BRI3: variants seen among roughly 807,000 people sequenced by gnomAD.
The protein encoded by BRI3 is brain protein I3.
BRI3 carries 6 observed loss-of-function variants against 12.8 expected under a neutral mutation model. The observed-to-expected ratio is 0.47, with a 90% confidence interval of 0.26 to 0.93. BRI3 has a LOEUF of 0.93. BRI3 is among the 40% of genes least tolerant of loss of function. The probability of loss-of-function intolerance (pLI) is 0.15; values close to 1 mark genes in which losing one functional copy is unlikely to be tolerated. For synonymous variants in BRI3, 91 were observed against 76.1 expected (o/e 1.20, Z -1.02); for missense variants, 134 against 171.1 (o/e 0.78, Z 1.21).
chr7:98,309,522 G>C (rs148900650), exon 2 of BRI3: 1 of 152,328 alleles, frequency 6.6e-6, no homozygotes, highest in African/African-American at 2.4e-5. Flanking sequence ...GGGATGCACA[G>C]AGTATTACAT....
the BRI3 span, among the ~76,000 whole-genome samples, chr7:98,316,613 G>A: frequency 0.024 from 3,695 of 152,226 alleles, 149 homozygotes; most frequent in African/African-American, 0.085. Context: ...AATTCTTATT[G>A]TTTCTATGTG....
chr7:98,314,999 A>G (rs142018040), downstream of BRI3, among the ~76,000 whole-genome samples: 101 of 152,338 alleles, frequency 6.6e-4, no homozygotes, highest in African/African-American at 2.3e-3. Flanking sequence ...CTGTATTTCT[A>G]TAAGTTTATA....
At chr7:98,319,984 G>A in the BRI3 span, 2 of 1,218,896 alleles carry the variant, frequency 1.6e-6, no homozygotes, top group Non-Finnish European at 2.4e-6. Flanking sequence ...TGAGTCAACA[G>A]TGGGAACGAG....
the BRI3 span, chr7:98,319,927 G>T: frequency 1.3e-6 from 1 of 750,410 alleles, no homozygotes; most frequent in African/African-American, 1.7e-5. Flanking sequence ...TCGGTTTCAT[G>T]CATCTGGGCA....
downstream of BRI3, chr7:98,310,709 C>CTCTGTCTCAAA: frequency 1.9e-6 from 1 of 527,980 alleles, no homozygotes; most frequent in Non-Finnish European, 2.9e-6. Context: ...TATTTTGAGA[C>CTCTGTCTCAAA]AGAGTCTCGC....
intron 1 of BRI3, among the ~76,000 whole-genome samples, chr7:98,300,991 G>A (rs1427793570): frequency 3.9e-5 from 6 of 152,166 alleles, no homozygotes; most frequent in African/African-American, 7.2e-5. Context: ...TGCATCGAGC[G>A]CTCCCTGGAC....
At chr7:98,294,567 G>T (rs1800108175), downstream of BRI3, among the ~76,000 whole-genome samples, 1 of 152,174 alleles carries the variant, frequency 6.6e-6, no homozygotes, top group East Asian at 1.9e-4. Flanking sequence ...AATGAAGCTT[G>T]AGCAACAGAG....
chr7:98,306,659 T>C, exon 1 of BRI3: 1 of 1,218,952 alleles, frequency 8.2e-7, no homozygotes. Context: ...ATTAAGGCTT[T>C]TAATAGGTAA....
downstream of BRI3, among the ~76,000 whole-genome samples, chr7:98,297,078 T>G (rs1376305681): frequency 6.6e-6 from 1 of 152,218 alleles, no homozygotes; most frequent in African/African-American, 2.4e-5. Flanking sequence ...AGGAGACCAC[T>G]AAGGCCACGA....
the BRI3 span, among the ~76,000 whole-genome samples, chr7:98,317,713 C>T: frequency 2.6e-5 from 4 of 151,516 alleles, no homozygotes; most frequent in East Asian, 3.9e-4. Flanking sequence ...ACCATCACCC[C>T]GCAGTTCACA....
downstream of BRI3, chr7:98,291,555 C>CA: frequency 2.6e-6 from 3 of 1,147,254 alleles, no homozygotes; most frequent in Non-Finnish European, 3.2e-6. Flanking sequence ...TCGGTGCTTT[C>CA]AGAGACCCAG....
At chr7:98,301,496 T>A (rs1800421458) in intron 1 of BRI3, among the ~76,000 whole-genome samples, 1 of 151,066 alleles carries the variant, frequency 6.6e-6, no homozygotes, top group East Asian at 1.9e-4. Context: ...TATATATATT[T>A]TAAGTGGAGA....
At chr7:98,287,517 G>A (rs1440435909) in intron 2 of BRI3, among the ~76,000 whole-genome samples, 1 of 152,222 alleles carries the variant, frequency 6.6e-6, no homozygotes, top group African/African-American at 2.4e-5. Context: ...GGGAATCAAG[G>A]TGCTGGGAAG....
exon 2 of BRI3, chr7:98,307,870 G>A (rs1385972037): frequency 2.5e-6 from 4 of 1,614,192 alleles, no homozygotes; most frequent in African/African-American, 1.3e-5. Flanking sequence ...GAAACTGATC[G>A]CTGTAAACTG....
chr7:98,306,386 C>G, upstream of BRI3: 1 of 1,600,788 alleles, frequency 6.2e-7, no homozygotes. Flanking sequence ...GTTACAGAAA[C>G]GACAAGGCAG....
downstream of BRI3, among the ~76,000 whole-genome samples, chr7:98,313,237 G>A (rs952455296): frequency 3.3e-5 from 5 of 151,882 alleles, no homozygotes; most frequent in East Asian, 5.8e-4. Flanking sequence ...GGACTGAGGC[G>A]CTTTAGCTGA....
chr7:98,292,919 C>G, downstream of BRI3: 1 of 1,398,664 alleles, frequency 7.1e-7, no homozygotes, highest in Non-Finnish European at 9.3e-7. Context: ...TAAGGGCAGG[C>G]AAAGCGTCTT....
In BRI3 at chr7:98,291,343, T is replaced by G; in HGVS notation, c.*100T>G. On this transcript the variant is annotated 3_prime_UTR_variant, in exon 3 of 3. Coordinates refer to ENST00000297290, the MANE Select transcript of BRI3 (RefSeq NM_015379.5). Reference sequence around the variant, plus strand: ...TTGATTAAGCTTCAGGACTGTTTTGTAAAGCGAGGTGGGACCGATGTGGCA... The same window carrying G: ...TTGATTAAGCTTCAGGACTGTTTTGGAAAGCGAGGTGGGACCGATGTGGCA... 1 of 1,548,168 alleles carries G rather than the reference T, an allele frequency of 6.5e-7. No homozygotes were observed. The highest frequency in any genetic ancestry group is 1.2e-5 in the South Asian group (1 of 80,578).
chr7:98,286,468 G>A (rs1799714052), intron 2 of BRI3, among the ~76,000 whole-genome samples: 1 of 152,212 alleles, frequency 6.6e-6, no homozygotes, highest in Admixed American at 6.5e-5. Context: ...ACAAGAATGG[G>A]GGAGGGGCGG....
Sources: gnomAD v4.1 joint callset for allele counts (sites outside exome capture counted in the v4.1 genomes callset) on GRCh38, gnomAD v4.1.1 for gene constraint, MANE v1.5 for transcripts, NCBI Gene and HGNC (gene_info 2026-07-23, HGNC 2026-07-21) for gene names.